Variants in EAPP observed in about 807,000 individuals in gnomAD.
EAPP encodes the protein E2F associated phosphoprotein.
A neutral mutation model predicts 34.3 loss-of-function variants in EAPP; 38 were observed. That is an observed-to-expected ratio of 1.11 (90% CI 0.85 to 1.45). The LOEUF is 1.45. EAPP is among the 40% of genes most tolerant of loss of function. EAPP has a pLI of 0.00. For synonymous variants in EAPP, 113 were observed against 117.6 expected, an observed-to-expected ratio of 0.96 and a Z score of 0.25; for missense variants, 338 against 343.7, an observed-to-expected ratio of 0.98 and a Z score of 0.13.
At chr14:34,538,975 C>T (rs936643809) in intron 1 of EAPP, among the ~76,000 whole-genome samples, 1 of 152,098 alleles carries the variant, frequency 6.6e-6, no homozygotes, top group Non-Finnish European at 1.5e-5. Flanking sequence ...TCTTATTACC[C>T]TTATTATACT....
Position 34,529,452 on chromosome 14 carries a change from T to TC in EAPP, c.375dup (p.Lys126GlufsTer10). The TC allele has an allele frequency of 6.2e-7, 1 of 1,612,000 alleles. No homozygotes were observed. The highest frequency in any genetic ancestry group is 8.5e-7 in the Non-Finnish European group (1 of 1,179,454). Reference sequence around the variant, plus strand: ...TTTGTTGGAATCTTGTGTTGTTTCTTCTTTTTTTTCTTGGTCACCTGTACT... The same window carrying TC: ...TTTGTTGGAATCTTGTGTTGTTTCTTCCTTTTTTTTCTTGGTCACCTGTACT... On this transcript the variant is annotated frameshift_variant, in exon 4 of 6. Coordinates refer to ENST00000250454, the MANE Select transcript of EAPP (RefSeq NM_018453.4). LOFTEE classifies it high-confidence loss of function.
At chr14:34,530,612 ATTGT>A (rs933480249) in intron 3 of EAPP, among the ~76,000 whole-genome samples, 1 of 152,160 alleles carries the variant, frequency 6.6e-6, no homozygotes, top group Non-Finnish European at 1.5e-5. Flanking sequence ...GGAGGCAAAA[ATTGT>A]TTATTTACCC....
chr14:34,517,485 G>C (rs996142947), intron 5 of EAPP, among the ~76,000 whole-genome samples: 1 of 151,920 alleles, frequency 6.6e-6, no homozygotes, highest in Non-Finnish European at 1.5e-5. Context: ...CTGACCTCAG[G>C]TAATCTGTCC....
At position 34,536,108 on chromosome 14, in the gene EAPP, G is replaced by T. The variant is rs766658190; in HGVS notation, c.242C>A (p.Ser81Tyr). 5 of 1,609,184 alleles carry T rather than the reference G, an allele frequency of 3.1e-6. No homozygotes were observed. In the African/African-American group the frequency reaches 6.7e-5, roughly 22 times the overall value. ...CAAAAGTTTACCAGTTCCCAGAGAGGATAACTTGTCCTCCATTGTTTTCAT... is the reference window on the plus strand; with the variant it reads ...CAAAAGTTTACCAGTTCCCAGAGAGTATAACTTGTCCTCCATTGTTTTCAT... ...STMKTMEDKLSSLGTGSSSGN... is the reference protein window; with the variant it reads ...STMKTMEDKLYSLGTGSSSGN... Residue 81 changes from serine to tyrosine, a missense_variant, in exon 2 of 6, where the codon TCC becomes TAC. Physicochemically the swap from Ser to Tyr is moderately radical, Grantham distance 144 (BLOSUM62 -2). Transcript: ENST00000250454.
chr14:34,522,447 T>G (rs1414365551), intron 5 of EAPP, among the ~76,000 whole-genome samples: 2 of 152,294 alleles, frequency 1.3e-5, no homozygotes, highest in East Asian at 3.9e-4. Flanking sequence ...TTTGTCCATT[T>G]GAAGAGGTCA....
intron 5 of EAPP, among the ~76,000 whole-genome samples, chr14:34,520,691 AGG>A (rs1239920114): frequency 1.3e-5 from 2 of 149,620 alleles, no homozygotes; most frequent in Non-Finnish European, 1.5e-5. Context: ...TTTAGTACAG[AGG>A]GGTTTCACCG....
chr14:34,527,490 C>T, intron 4 of EAPP, among the ~76,000 whole-genome samples: 1 of 151,738 alleles, frequency 6.6e-6, no homozygotes, highest in East Asian at 1.9e-4. Context: ...AACTGCACCA[C>T]TGCACTCCAG....
At chr14:34,521,267 C>T (rs1879908207) in intron 5 of EAPP, among the ~76,000 whole-genome samples, 1 of 151,854 alleles carries the variant, frequency 6.6e-6, no homozygotes. Flanking sequence ...GACAGGGTTT[C>T]ACCATGTTGG....
At chr14:34,521,199 G>C (rs1879905684) in intron 5 of EAPP, among the ~76,000 whole-genome samples, 1 of 151,924 alleles carries the variant, frequency 6.6e-6, no homozygotes, top group Admixed American at 6.6e-5. Flanking sequence ...CTCCCGAGTA[G>C]CTTGGATTAC....
In EAPP at chr14:34,523,825, C is replaced by T. The variant is rs1880004311; in HGVS notation, c.581+872G>A. On this transcript the variant is annotated intron_variant, in intron 5 of 5. Transcript: ENST00000250454. The stretch of plus-strand genomic sequence containing the variant: ...TAGCACTGGGATTACAGGCATGAGT[C>T]ACTGTGCCCAACTTTAAAAGTATAA... Among the ~76,000 whole-genome samples the T allele has an allele frequency of 2.0e-5, 3 of 152,242 alleles. 1 individual carries two copies. The highest frequency in any genetic ancestry group is 6.8e-3 in the Middle Eastern group (2 of 294).
At chr14:34,517,908 G>C (rs1879790797) in intron 5 of EAPP, among the ~76,000 whole-genome samples, 1 of 151,554 alleles carries the variant, frequency 6.6e-6, no homozygotes, top group African/African-American at 2.4e-5. Context: ...CTGAGTAGCT[G>C]GGATTAAAGG....
At position 34,532,208 on chromosome 14, in the gene EAPP, G is replaced by A. The variant is rs572357089; in HGVS notation, c.352+1236C>T. On this transcript the variant is annotated intron_variant, in intron 3 of 5. Coordinates refer to ENST00000250454, the MANE Select transcript of EAPP (RefSeq NM_018453.4). ...CGCGGTGGCTCACACCAGTAATCCC[G>A]GCACTTTGGGAGGCTGAGGCGGGTG... Among the ~76,000 whole-genome samples the A allele has an allele frequency of 1.5e-4, 22 of 151,046 alleles. 1 individual carries two copies. The highest frequency in any genetic ancestry group is 1.0e-3 in the South Asian group (5 of 4,764).
At chr14:34,531,602 A>G (rs1028192320) in intron 3 of EAPP, among the ~76,000 whole-genome samples, 16 of 152,044 alleles carry the variant, frequency 1.1e-4, no homozygotes, top group African/African-American at 3.6e-4. Context: ...ACTTTGTCTC[A>G]AAATAAATAA....
intron 3 of EAPP, among the ~76,000 whole-genome samples, chr14:34,532,454 C>T (rs898957163): frequency 1.4e-5 from 2 of 147,768 alleles, no homozygotes; most frequent in African/African-American, 5.0e-5. Context: ...AAGAGCGAAA[C>T]TCCATCTCAA....
At position 34,533,496 on chromosome 14, in the gene EAPP, C is replaced by T. The variant is rs748986014; in HGVS notation, c.300G>A (p.Arg100=). 1 of 1,604,076 alleles carries T rather than the reference C, an allele frequency of 6.2e-7. No homozygotes were observed. Among genetic ancestry groups the T allele is most frequent in the Admixed American group, 1.8e-5 (1 of 56,904 alleles). The change falls in exon 3 of 6, where the codon AGG becomes AGA. Residue 100 remains arginine, a synonymous_variant. Coordinates refer to ENST00000250454, the MANE Select transcript of EAPP (RefSeq NM_018453.4). ...AATCAAAATATATATCATCGTAGTA[C>T]CTTGTCGGAGCTGTTGCAACTTTTC... ...GNGKVATAPT[R]YYDDIYFDSD... is the part of the protein sequence containing the mutation.
intron 5 of EAPP, among the ~76,000 whole-genome samples, chr14:34,524,428 C>T (rs1158204312): frequency 6.6e-6 from 1 of 151,784 alleles, no homozygotes; most frequent in Non-Finnish European, 1.5e-5. Flanking sequence ...ATCTATCTAT[C>T]TATCTAGATC....
intron 5 of EAPP, among the ~76,000 whole-genome samples, chr14:34,519,416 T>A (rs1879840187): frequency 6.6e-6 from 1 of 151,900 alleles, no homozygotes. Flanking sequence ...GTGCCTGTAG[T>A]CCCAGCTACT....
Position 34,515,980 on chromosome 14 carries a change from C to A in EAPP, c.*330G>T. The A allele has an allele frequency of 4.4e-6, 1 of 225,988 alleles. No individual in the cohort carries two copies. Among genetic ancestry groups the A allele is most frequent in the Non-Finnish European group, 8.6e-6 (1 of 115,632 alleles). The allele number at this position is 225,988 out of a possible 1,614,324, so 14.0% of individuals were successfully genotyped here. ...AGTTTAATTACATCAAAGCTATATC[C>A]AAAATAAAAATAACACTCAGAAACA... On this transcript the variant is annotated 3_prime_UTR_variant, in exon 6 of 6. Coordinates refer to ENST00000250454, the MANE Select transcript of EAPP (RefSeq NM_018453.4).
chr14:34,535,070 C>T (rs1379899468), intron 2 of EAPP, among the ~76,000 whole-genome samples: 1 of 151,074 alleles, frequency 6.6e-6, no homozygotes, highest in Non-Finnish European at 1.5e-5. Flanking sequence ...AACTCCTGAC[C>T]TCGTGATCCA....
Sources: gnomAD v4.1 joint callset for allele counts (sites outside exome capture counted in the v4.1 genomes callset) on GRCh38, gnomAD v4.1.1 for gene constraint, MANE v1.5 for transcripts, NCBI Gene and HGNC (gene_info 2026-07-23, HGNC 2026-07-21) for gene names.